Variants in C1orf94 observed in about 807,000 individuals in gnomAD.
C1orf94 encodes uncharacterized protein C1orf94.
In C1orf94, 45 loss-of-function variants were observed where a neutral mutation model predicts 53.6. The observed-to-expected ratio is 0.84, with a 90% CI of 0.66 to 1.08. The LOEUF is 1.08. C1orf94 is among the 50% of genes least tolerant of loss of function. The pLI, the probability that C1orf94 is intolerant of heterozygous loss-of-function variation, is 0.00. For synonymous variants in C1orf94, 304 were observed against 296.1 expected (o/e 1.03, Z -0.27); for missense variants, 762 against 738.9 (o/e 1.03, Z -0.36).
upstream of C1orf94, among the ~76,000 whole-genome samples, chr1:34,174,243 A>G (rs910417565): frequency 2.0e-5 from 3 of 152,260 alleles, no homozygotes; most frequent in African/African-American, 7.2e-5. Flanking sequence ...GCTATTCAGA[A>G]ACTCCAAAGG....
At chr1:34,170,452 G>A (rs1457890846) in intron 1 of C1orf94, among the ~76,000 whole-genome samples, 1 of 152,166 alleles carries the variant, frequency 6.6e-6, no homozygotes, top group African/African-American at 2.4e-5. Flanking sequence ...AAAGCACAGA[G>A]TGGGCCAGCT....
chr1:34,196,760 G>T (rs1453950670), intron 1 of C1orf94, among the ~76,000 whole-genome samples: 2 of 152,160 alleles, frequency 1.3e-5, no homozygotes, highest in African/African-American at 4.8e-5. Context: ...GGTGATGGGG[G>T]CTGCGCTACT....
upstream of C1orf94, among the ~76,000 whole-genome samples, chr1:34,173,457 T>C (rs1642177347): frequency 1.3e-5 from 2 of 152,090 alleles, no homozygotes; most frequent in Non-Finnish European, 2.9e-5. Flanking sequence ...AGCCTAGCCA[T>C]GTTTGTGTCA....
At chr1:34,182,110 C>G (rs1258323791) in intron 1 of C1orf94, among the ~76,000 whole-genome samples, 1 of 152,214 alleles carries the variant, frequency 6.6e-6, no homozygotes, top group Non-Finnish European at 1.5e-5. Context: ...GAAAGGAACA[C>G]TTGAGCTCAG....
rs765675371 is a variant in C1orf94, at chr1:34,197,437, T to C, written c.533T>C (p.Ile178Thr). ...AGSNERPRAS[I>T]IVGDKLLKQK... ...AGTAATGAGCGCCCCAGAGCCTCCA[T>C]CATTGTCGGAGACAAGCTTCTGAAG... The change falls in exon 2 of 7, where the codon ATC (isoleucine) becomes ACC (threonine). Residue 178 changes from isoleucine to threonine, a missense_variant. Coordinates refer to ENST00000488417, the MANE Select transcript of C1orf94 (RefSeq NM_001134734.2). The surrounding 1 kb of genome is among the most constrained non-coding windows in gnomAD (Gnocchi z 4.1). The C allele has an allele frequency of 6.2e-7, 1 of 1,613,982 alleles. No homozygotes were observed. Among genetic ancestry groups the C allele is most frequent in the Non-Finnish European group, 8.5e-7 (1 of 1,179,916 alleles).
chr1:34,183,547 T>C (rs921546329), intron 1 of C1orf94, among the ~76,000 whole-genome samples: 2 of 152,176 alleles, frequency 1.3e-5, no homozygotes, highest in Admixed American at 6.5e-5. Context: ...CAGATACATC[T>C]GACAACAATG....
intron 1 of C1orf94, among the ~76,000 whole-genome samples, chr1:34,169,625 G>GAGAGAA (rs1642111606): frequency 2.1e-5 from 2 of 94,454 alleles, no homozygotes; most frequent in African/African-American, 7.6e-5. Flanking sequence ...GAGAGAGAGA[G>GAGAGAA]AGAGAGAGAG....
At chr1:34,182,577 A>T (rs1182068147) in intron 1 of C1orf94, among the ~76,000 whole-genome samples, 1 of 152,172 alleles carries the variant, frequency 6.6e-6, no homozygotes, top group Non-Finnish European at 1.5e-5. Context: ...GAGTGACTGC[A>T]GTAGGGATGG....
chr1:34,201,832 A>G (rs570745319), intron 3 of C1orf94, among the ~76,000 whole-genome samples: 6 of 152,166 alleles, frequency 3.9e-5, no homozygotes, highest in African/African-American at 1.4e-4. Context: ...TGCCTTCTTT[A>G]CTAGTGAATG....
intron 4 of C1orf94, among the ~76,000 whole-genome samples, chr1:34,206,730 T>A (rs1026485359): frequency 5.2e-4 from 79 of 152,266 alleles, no homozygotes; most frequent in African/African-American, 1.8e-3. Context: ...GTCTCACTGC[T>A]CTGTCCAGGT....
chr1:34,212,492 T>C, intron 6 of C1orf94, 86 bp downstream of exon 6: 1 of 1,325,074 alleles, frequency 7.5e-7, no homozygotes, highest in Non-Finnish European at 1.0e-6. Context: ...CAGCGCTTTC[T>C]TAGTATGTGT....
rs111560790 is a variant in C1orf94 at position 34,193,095 on chromosome 1, G to A, written c.321-4130G>A. Among the ~76,000 whole-genome samples, 1,245 of 152,252 alleles carry A rather than the reference G, an allele frequency of 8.2e-3. 17 individuals are homozygous for A. The highest frequency in any genetic ancestry group is 0.028 in the African/African-American group (1,161 of 41,544). On this transcript the variant is annotated intron_variant, in intron 1 of 6. Transcript: ENST00000488417. ...TCTTGTTTTCTTGAAGTGGAGGGGC[G>A]TGGTGGAAGGAGACCCTGAATCAGG...
intron 4 of C1orf94, among the ~76,000 whole-genome samples, chr1:34,207,331 C>T (rs1047467192): frequency 6.6e-6 from 1 of 151,634 alleles, no homozygotes; most frequent in African/African-American, 2.4e-5. Flanking sequence ...GACACATGAG[C>T]ACCTCAAGAC....
At chr1:34,203,799 T>C (rs1206920047) in intron 4 of C1orf94, among the ~76,000 whole-genome samples, 1 of 152,204 alleles carries the variant, frequency 6.6e-6, no homozygotes, top group African/African-American at 2.4e-5. Flanking sequence ...TAACTTAATA[T>C]CCCTTAAGAG....
At chr1:34,186,554 G>A (rs1305657177) in intron 1 of C1orf94, among the ~76,000 whole-genome samples, 2 of 152,200 alleles carry the variant, frequency 1.3e-5, no homozygotes, top group African/African-American at 4.8e-5. Flanking sequence ...GGAGATCATA[G>A]CATTCGGTTT....
Position 34,177,258 on chromosome 1 carries a change from G to A in C1orf94, c.-532G>A, listed in dbSNP as rs1009295263. Among the ~76,000 whole-genome samples, 6 of 152,196 alleles carry A rather than the reference G, an allele frequency of 3.9e-5. No individual in the cohort carries two copies. Among genetic ancestry groups the A allele is most frequent in the African/African-American group, 1.4e-4 (6 of 41,456 alleles). On this transcript the variant is annotated 5_prime_UTR_variant, in exon 1 of 7. Coordinates refer to ENST00000488417, the MANE Select transcript of C1orf94 (RefSeq NM_001134734.2). Reference sequence around the variant, plus strand: ...CGGGGGTGGGAGTCGGGCCGTTGACGCTCGCTCTGCGAGGGGCTCCCTGGG... The same window carrying A: ...CGGGGGTGGGAGTCGGGCCGTTGACACTCGCTCTGCGAGGGGCTCCCTGGG...
At chr1:34,208,443 C>A (rs2148621673) in intron 5 of C1orf94, among the ~76,000 whole-genome samples, 1 of 152,322 alleles carries the variant, frequency 6.6e-6, no homozygotes, top group Non-Finnish European at 1.5e-5. Flanking sequence ...GGAGCCCTTC[C>A]TGTGTGCTGG....
chr1:34,177,763 C>T lies in C1orf94; in HGVS notation c.-27C>T, dbSNP rs1194932089. ...ACAGAACTGACCCACTTCTGCCAAG[C>T]CCCATCCTCATCTCCCTTTCTGGTG... On this transcript the variant is annotated 5_prime_UTR_variant, in exon 1 of 7. Coordinates refer to ENST00000488417, the MANE Select transcript of C1orf94 (RefSeq NM_001134734.2). 6.6e-7 allele frequency: 1 copy of T among 1,508,866 alleles called. No homozygotes were observed. Among genetic ancestry groups the T allele is most frequent in the African/African-American group, 1.4e-5 (1 of 72,228 alleles). The allele number at this position is 1,508,866 out of a possible 1,614,324, so 93.5% of individuals were successfully genotyped here.
chr1:34,209,285 AACACACACACACACACACAC>A (rs59376155), intron 5 of C1orf94, among the ~76,000 whole-genome samples: 6 of 143,624 alleles, frequency 4.2e-5, no homozygotes, highest in Non-Finnish European at 9.2e-5. Context: ...GAGAAATGCA[AACACACACACACACACACAC>A]ACACACACAC....
Sources: allele counts gnomAD v4.1 joint callset (sites outside exome capture counted in the v4.1 genomes callset), GRCh38; gene constraint gnomAD v4.1.1; non-coding constraint Gnocchi (gnomAD v3.1); transcripts MANE v1.5; gene names NCBI Gene and HGNC (gene_info 2026-07-23, HGNC 2026-07-21).